Variants in RNF180 observed in about 807,000 individuals in gnomAD.
RNF180 encodes the protein ring finger protein 180.
RNF180 carries 38 observed loss-of-function variants against 59.2 expected under a neutral mutation model. That is an observed-to-expected ratio of 0.64 (90% confidence interval 0.50 to 0.84). The LOEUF (loss-of-function observed/expected upper bound fraction) is 0.84. Ranked by LOEUF, RNF180 falls within the 40% of genes least tolerant of loss-of-function variation. The probability of loss-of-function intolerance (pLI) is 0.00; values close to 1 mark genes in which losing one functional copy is unlikely to be tolerated. For synonymous variants in RNF180, 262 were observed against 240.3 expected, an observed-to-expected ratio of 1.09 and a Z score of -0.84; for missense variants, 705 against 700.9, an observed-to-expected ratio of 1.01 and a Z score of -0.07.
In RNF180 at chr5:64,220,230, A is replaced by G. The variant is rs556527242; in HGVS notation, c.1227+2834A>G. Among the ~76,000 whole-genome samples the G allele has an allele frequency of 3.9e-5, 6 of 151,912 alleles. No homozygotes were observed. The East Asian group carries it at 9.7e-4, about 24-fold the overall frequency. Reference sequence around the variant, plus strand: ...GTTTTACTGTTTTCAAAATTTGTTTATATGTAAATATGTATATATTTACAT... The same window carrying G: ...GTTTTACTGTTTTCAAAATTTGTTTGTATGTAAATATGTATATATTTACAT... On this transcript the variant is annotated intron_variant, in intron 5 of 7. Transcript: ENST00000389100.
At chr5:64,198,869 G>A (rs1394388195) in intron 1 of RNF180, among the ~76,000 whole-genome samples, 7 of 151,684 alleles carry the variant, frequency 4.6e-5, no homozygotes, top group South Asian at 2.1e-4. Flanking sequence ...AGGCTGGAGT[G>A]CAGTGGCACG....
chr5:64,256,384 G>T (rs553987570), intron 5 of RNF180, among the ~76,000 whole-genome samples: 15 of 152,250 alleles, frequency 9.9e-5, no homozygotes, highest in African/African-American at 2.9e-4. Context: ...TGTATAAGGT[G>T]TAAGGAAGGG....
intron 5 of RNF180, among the ~76,000 whole-genome samples, chr5:64,252,483 T>C (rs1164731221): frequency 2.0e-5 from 3 of 152,196 alleles, no homozygotes; most frequent in Admixed American, 6.6e-5. Flanking sequence ...ATATTAATTA[T>C]CTAGATTTAG....
Position 64,342,771 on chromosome 5 carries a change from G to A in RNF180, c.1579+12365G>A, listed in dbSNP as rs1416484232. On this transcript the variant is annotated intron_variant, in intron 7 of 7. Coordinates refer to ENST00000389100, the MANE Select transcript of RNF180 (RefSeq NM_001113561.2). ...GCAGAGAACCATGCTGTAGTAGGGAGTCCAGACCTGAAAAACAACACACTA... is the reference window on the plus strand; with the variant it reads ...GCAGAGAACCATGCTGTAGTAGGGAATCCAGACCTGAAAAACAACACACTA... Among the ~76,000 whole-genome samples, 4 of 152,210 alleles carry A rather than the reference G, an allele frequency of 2.6e-5. No homozygotes were observed. In the East Asian group the frequency reaches 5.8e-4, roughly 22 times the overall value.
rs755062775 is a variant in RNF180, at chr5:64,214,316, T to G, written c.990T>G (p.Thr330=). The G allele has an allele frequency of 1.9e-6, 3 of 1,614,068 alleles. No individual in the cohort carries two copies. The highest frequency in any genetic ancestry group is 3.3e-5 in the Admixed American group (2 of 59,964). The change falls in exon 4 of 8, where the codon ACT becomes ACG. Residue 330 remains threonine (T), a synonymous_variant. Transcript: ENST00000389100. The part of the protein sequence containing the change: ...YSDHTNTNNL[T]FLMDLPSAGR... Reference sequence around the variant, plus strand: ...ACCATACTAATACTAACAATCTGACTTTCCTGATGGACCTGCCCTCAGCTG... The same window carrying G: ...ACCATACTAATACTAACAATCTGACGTTCCTGATGGACCTGCCCTCAGCTG...
At chr5:64,254,911 A>G (rs768033299) in intron 5 of RNF180, among the ~76,000 whole-genome samples, 1 of 152,104 alleles carries the variant, frequency 6.6e-6, no homozygotes, top group Non-Finnish European at 1.5e-5. Context: ...GTGATATCTG[A>G]TATCTTTCTC....
intron 5 of RNF180, among the ~76,000 whole-genome samples, chr5:64,315,514 G>A (rs989271837): frequency 6.6e-6 from 1 of 152,138 alleles, no homozygotes; most frequent in African/African-American, 2.4e-5. Context: ...AGAGTCTGGG[G>A]TGGGTGGATC....
At position 64,217,389 on chromosome 5, in the gene RNF180, A is replaced by G; in HGVS notation, c.1220A>G (p.Asp407Gly). 7.0e-7 allele frequency: 1 copy of G among 1,419,214 alleles called. No individual in the cohort carries two copies. The highest frequency in any genetic ancestry group is 9.2e-7 in the Non-Finnish European group (1 of 1,081,578). 87.9% of individuals were successfully genotyped at this position (1,419,214 alleles called of 1,614,324 possible). The change falls in exon 5 of 8, where the codon GAT becomes GGT. Residue 407 changes from aspartate to glycine, a missense_variant. Physicochemically the swap from Asp to Gly is moderately conservative, Grantham distance 94 (BLOSUM62 -1). Transcript: ENST00000389100. The part of the protein sequence containing the change: ...QGKYSGVGLL[D>G]HMTLNNEMST... ...AAATACTCAGGAGTGGGATTGCTGG[A>G]TCATATGGTAAGTATATATTTACTT... is the stretch of plus-strand genomic sequence containing the variant.
At position 64,207,950 on chromosome 5, in the gene RNF180, A is replaced by G. The variant is rs60540394; in HGVS notation, c.136-4115A>G. Among the ~76,000 whole-genome samples, 1,111 of 152,256 alleles carry G rather than the reference A, an allele frequency of 7.3e-3. 16 individuals are homozygous for G. Among genetic ancestry groups the G allele is most frequent in the African/African-American group, 0.024 (992 of 41,568 alleles). On this transcript the variant is annotated intron_variant, in intron 2 of 7. Coordinates refer to ENST00000389100, the MANE Select transcript of RNF180 (RefSeq NM_001113561.2). ...ATTAGCTGAAGGAATGTTATTGCTT[A>G]CTTTGGAAATGCAAAGGGTTAAACA...
At chr5:64,332,986 G>GA (rs1173559538) in intron 7 of RNF180, among the ~76,000 whole-genome samples, 1 of 152,068 alleles carries the variant, frequency 6.6e-6, no homozygotes, top group East Asian at 1.9e-4. Context: ...TGTGGCAAAA[G>GA]AAAAATTGGT....
chr5:64,317,815 A>G (rs1383835220), intron 5 of RNF180, among the ~76,000 whole-genome samples: 2 of 150,572 alleles, frequency 1.3e-5, no homozygotes, highest in Admixed American at 6.6e-5. Context: ...GAAAAATGTA[A>G]GTTAAAAATG....
At chr5:64,363,327 G>A (rs542796970) in intron 7 of RNF180, among the ~76,000 whole-genome samples, 6 of 151,738 alleles carry the variant, frequency 4.0e-5, no homozygotes, top group East Asian at 1.9e-4. Flanking sequence ...CCAGTTATCC[G>A]AGCACCATTT....
rs572122059 is a variant in RNF180, at chr5:64,242,325, G to A, written c.1227+24929G>A. ...CAGCTGTGCAGAGATCAGTGCATGAGAACAGAGATCAAGAACAATCAGAGA... is the reference window on the plus strand; with the variant it reads ...CAGCTGTGCAGAGATCAGTGCATGAAAACAGAGATCAAGAACAATCAGAGA... On this transcript the variant is annotated intron_variant, in intron 5 of 7. Coordinates refer to ENST00000389100, the MANE Select transcript of RNF180 (RefSeq NM_001113561.2). 1.2e-4 allele frequency among the ~76,000 whole-genome samples: 18 copies of A among 152,242 alleles called. 1 individual carries two copies. The highest frequency in any genetic ancestry group is 1.0e-3 in the Admixed American group (16 of 15,296).
chr5:64,177,347 C>A (rs1383414926), intron 1 of RNF180, among the ~76,000 whole-genome samples: 1 of 151,702 alleles, frequency 6.6e-6, no homozygotes, highest in Non-Finnish European at 1.5e-5. Context: ...ACTTTAAGAC[C>A]CAACTGGAAG....
intron 5 of RNF180, chr5:64,217,912 A>G (rs1752722773): frequency 1.3e-5 from 2 of 152,252 alleles, no homozygotes; most frequent in East Asian, 1.9e-4. Flanking sequence ...AGCTATGATT[A>G]CACCACCGCA....
chr5:64,200,760 G>A, intron 1 of RNF180, 48 bp from the exon 2 acceptor site: 1 of 1,550,018 alleles, frequency 6.5e-7, no homozygotes. Context: ...AGAAAGTCCA[G>A]TTTATCTGAC....
At chr5:64,353,959 A>G (rs1348413884) in intron 7 of RNF180, among the ~76,000 whole-genome samples, 2 of 151,766 alleles carry the variant, frequency 1.3e-5, no homozygotes, top group African/African-American at 4.8e-5. Flanking sequence ...CCGAAAATTT[A>G]CAGGATCCAG....
At chr5:64,193,057 T>A (rs530838884) in intron 1 of RNF180, among the ~76,000 whole-genome samples, 1 of 151,440 alleles carries the variant, frequency 6.6e-6, no homozygotes, top group Admixed American at 6.6e-5. Flanking sequence ...TACATTATTA[T>A]ACTTATATGA....
At chr5:64,191,576 A>G (rs924596970) in intron 1 of RNF180, among the ~76,000 whole-genome samples, 3 of 152,238 alleles carry the variant, frequency 2.0e-5, no homozygotes, top group African/African-American at 7.2e-5. Flanking sequence ...ACAAAGGTCA[A>G]TGCATGAAAT....
Sources: allele counts gnomAD v4.1 joint callset (sites outside exome capture counted in the v4.1 genomes callset), GRCh38; gene constraint gnomAD v4.1.1; transcripts MANE v1.5; gene names NCBI Gene and HGNC (gene_info 2026-07-23, HGNC 2026-07-21).